Variants in PRLR observed in about 807,000 individuals in gnomAD.
PRLR encodes the protein hPRL receptor.
Under a neutral mutation model 40.2 loss-of-function variants are expected in PRLR, and 13 were observed. That is an observed-to-expected ratio of 0.32 (90% CI 0.21 to 0.51). The LOEUF (loss-of-function observed/expected upper bound fraction) is 0.51. Ranked by LOEUF, PRLR falls within the 20% of genes least tolerant of loss-of-function variation. PRLR has a pLI of 0.97. For synonymous variants in PRLR, 269 were observed against 278.7 expected (o/e 0.97, Z 0.35); for missense variants, 656 against 747.3 (o/e 0.88, Z 1.42).
chr5:35,101,306 T>C (rs1176628225), intron 2 of PRLR, among the ~76,000 whole-genome samples: 2 of 152,144 alleles, frequency 1.3e-5, no homozygotes, highest in Non-Finnish European at 2.9e-5. Flanking sequence ...TGGCCTTGAG[T>C]TGTGCAACTC....
chr5:35,109,910 A>G (rs1772538839), intron 2 of PRLR, among the ~76,000 whole-genome samples: 1 of 152,210 alleles, frequency 6.6e-6, no homozygotes. Flanking sequence ...ATAAAGACAC[A>G]TGCACACATA....
chr5:35,127,943 C>T (rs760381502), intron 1 of PRLR, among the ~76,000 whole-genome samples: 6 of 152,056 alleles, frequency 3.9e-5, no homozygotes, highest in Non-Finnish European at 8.8e-5. Context: ...GGTTGCACAA[C>T]TGTAAATACA....
At chr5:35,228,937 T>C (rs1188778882) in intron 1 of PRLR, among the ~76,000 whole-genome samples, 6 of 152,072 alleles carry the variant, frequency 3.9e-5, no homozygotes, top group Admixed American at 2.6e-4. Context: ...CCCTCAGGGA[T>C]TGCATGTAAA....
chr5:35,177,524 C>T (rs558889073), intron 1 of PRLR, among the ~76,000 whole-genome samples: 1 of 152,148 alleles, frequency 6.6e-6, no homozygotes, highest in South Asian at 2.1e-4. Flanking sequence ...GTATGGAATT[C>T]CCTATTCTGG....
intron 1 of PRLR, among the ~76,000 whole-genome samples, chr5:35,158,252 T>C (rs1774568133): frequency 6.6e-6 from 1 of 152,208 alleles, no homozygotes; most frequent in Non-Finnish European, 1.5e-5. Flanking sequence ...GTTGTCTTCC[T>C]GAACTAGACC....
At chr5:35,134,865 G>T (rs1773802911) in intron 1 of PRLR, among the ~76,000 whole-genome samples, 1 of 152,154 alleles carries the variant, frequency 6.6e-6, no homozygotes, top group Non-Finnish European at 1.5e-5. Flanking sequence ...AATGGCGTGG[G>T]GTGCCGCCTG....
At chr5:35,096,661 C>A (rs995451007) in intron 2 of PRLR, among the ~76,000 whole-genome samples, 13 of 151,384 alleles carry the variant, frequency 8.6e-5, no homozygotes, top group African/African-American at 3.2e-4. Context: ...TGTTCTGACA[C>A]CCAGGCAGGA....
intron 1 of PRLR, among the ~76,000 whole-genome samples, chr5:35,187,645 T>C (rs1048502041): frequency 6.6e-6 from 1 of 152,160 alleles, no homozygotes; most frequent in African/African-American, 2.4e-5. Flanking sequence ...GAAGAGTTCA[T>C]GATTTCCATG....
At chr5:35,069,222 T>TA (rs1769592867) in intron 7 of PRLR, among the ~76,000 whole-genome samples, 1 of 152,208 alleles carries the variant, frequency 6.6e-6, no homozygotes, top group African/African-American at 2.4e-5. Context: ...TCAATGGTGT[T>TA]AAACTCTTTG....
At chr5:35,068,155 T>G in intron 9 of PRLR, 61 bp downstream of exon 9, 1 of 1,426,146 alleles carries the variant, frequency 7.0e-7, no homozygotes, top group Non-Finnish European at 9.9e-7. Context: ...TGTGTGAGTG[T>G]GTAGAGTTAA....
intron 1 of PRLR, among the ~76,000 whole-genome samples, chr5:35,141,233 C>A (rs565372301): frequency 6.3e-5 from 9 of 143,334 alleles, no homozygotes; most frequent in Non-Finnish European, 1.3e-4. Flanking sequence ...TTCCTTAATA[C>A]CTGAAAAAAA....
chr5:35,106,023 ATC>A (rs1772223289), intron 2 of PRLR, among the ~76,000 whole-genome samples: 1 of 152,262 alleles, frequency 6.6e-6, no homozygotes, highest in African/African-American at 2.4e-5. Flanking sequence ...CTAACAGTGG[ATC>A]TCTTGGCAGA....
At chr5:35,070,841 CAAAAAAAAAAAA>C (rs34668616) in intron 6 of PRLR, among the ~76,000 whole-genome samples, 2 of 69,154 alleles carry the variant, frequency 2.9e-5, no homozygotes, top group South Asian at 1.0e-3. Flanking sequence ...AACTCCGTCT[CAAAAAAAAAAAA>C]AAAAAAAAAA....
At chr5:35,224,018 G>A (rs532321591) in intron 1 of PRLR, among the ~76,000 whole-genome samples, 1 of 152,210 alleles carries the variant, frequency 6.6e-6, no homozygotes, top group Admixed American at 6.5e-5. Context: ...CTGGGATGTC[G>A]CAGGAGCTTG....
rs149848429 is a variant in PRLR, at chr5:35,216,799, G to C, written c.-106+13469C>G. ...TTATTTGAAATATTCAGTTTCAAAA[G>C]TTTAACCCACTTATTGAACATTCCA... is the stretch of plus-strand genomic sequence containing the variant. On this transcript the variant is annotated intron_variant, in intron 1 of 9. Coordinates refer to ENST00000618457, the MANE Select transcript of PRLR (RefSeq NM_000949.7). Among the ~76,000 whole-genome samples, 600 of 152,336 alleles carry C rather than the reference G, an allele frequency of 3.9e-3. 6 individuals are homozygous for C. Among genetic ancestry groups the C allele is most frequent in the African/African-American group, 0.014 (573 of 41,574 alleles).
intron 1 of PRLR, among the ~76,000 whole-genome samples, chr5:35,178,525 T>C (rs1775208039): frequency 1.3e-5 from 2 of 152,194 alleles, no homozygotes; most frequent in South Asian, 4.1e-4. Flanking sequence ...GATGGTTGGG[T>C]TAACGGTATT....
At chr5:35,128,788 T>C (rs1200249151) in intron 1 of PRLR, among the ~76,000 whole-genome samples, 1 of 152,240 alleles carries the variant, frequency 6.6e-6, no homozygotes, top group Non-Finnish European at 1.5e-5. Context: ...ATAATTAATC[T>C]TGTCCTCACC....
intron 1 of PRLR, among the ~76,000 whole-genome samples, chr5:35,220,284 G>A (rs993144859): frequency 2.0e-5 from 3 of 152,068 alleles, no homozygotes; most frequent in Non-Finnish European, 2.9e-5. Context: ...TTCTTACCTC[G>A]GGTCCAGCCA....
At chr5:35,147,805 AAAAC>A (rs1309576751) in intron 1 of PRLR, among the ~76,000 whole-genome samples, 5 of 152,202 alleles carry the variant, frequency 3.3e-5, no homozygotes, top group African/African-American at 4.8e-5. Flanking sequence ...GCAAAAGAGA[AAAAC>A]AAACAAAAAA....
Sources: gnomAD v4.1 joint callset for allele counts (sites outside exome capture counted in the v4.1 genomes callset) on GRCh38, gnomAD v4.1.1 for gene constraint, MANE v1.5 for transcripts, NCBI Gene and HGNC (gene_info 2026-07-23, HGNC 2026-07-21) for gene names.